The following NOM1 variants were observed in gnomAD, a reference collection of about 807,000 sequenced individuals.
NOM1 encodes the protein nucleolar protein with MIF4G domain 1, also known as nucleolar MIF4G domain-containing protein 1.
NOM1 carries 58 observed loss-of-function variants against 73.3 expected under a neutral mutation model. The ratio of observed to expected loss-of-function variants is 0.79; its 90% CI spans 0.64 to 0.99. The LOEUF (loss-of-function observed/expected upper bound fraction) is 0.99, where lower values mean the gene tolerates loss of function less well. Among genes scored for constraint, NOM1 ranks in the 50% least tolerant of loss-of-function variants. The pLI is 0.00. For synonymous variants in NOM1, 487 were observed against 446.8 expected (o/e 1.09, Z -1.14); for missense variants, 1,226 against 1,131.9 (o/e 1.08, Z -1.19).
chr7:156,952,440 A>C, intron 1 of NOM1, 34 bp from the exon 2 acceptor site: 1 of 1,595,884 alleles, frequency 6.3e-7, no homozygotes, highest in Non-Finnish European at 8.5e-7. Context: ...TGGTCAGTGT[A>C]AATTTTTTGT....
At chr7:156,954,726 C>CA (rs1435634687) in intron 3 of NOM1, among the ~76,000 whole-genome samples, 1 of 152,012 alleles carries the variant, frequency 6.6e-6, no homozygotes, top group African/African-American at 2.4e-5. Flanking sequence ...AGGCTGGTGT[C>CA]AAATTCCTGG....
At chr7:156,969,260 T>C (rs1216371377) in intron 10 of NOM1, 64 bp downstream of exon 10, 1 of 983,894 alleles carries the variant, frequency 1.0e-6, no homozygotes, top group African/African-American at 1.6e-5. Flanking sequence ...TTCACTTGTG[T>C]TGATTTACAA....
chr7:156,967,673 T>C (rs915810264), intron 9 of NOM1, among the ~76,000 whole-genome samples: 1 of 152,172 alleles, frequency 6.6e-6, no homozygotes, highest in East Asian at 1.9e-4. Context: ...TACAGGCTCA[T>C]GCCACCACGC....
rs1269681459 is a variant in NOM1, at chr7:156,969,687, C to T, written c.2567C>T (p.Ala856Val). The T allele has an allele frequency of 6.2e-7, 1 of 1,610,222 alleles. No homozygotes were observed. The highest frequency in any genetic ancestry group is 1.1e-5 in the South Asian group (1 of 90,916). Residue 856 changes from alanine to valine, a missense_variant, in exon 11 of 11, where the codon GCT becomes GTT. Ala to Val is a moderately conservative substitution (Grantham distance 64). Transcript: ENST00000275820. ...DLATKCLQGK[A>V]SLRM ...GCAACGAAGTGTCTGCAAGGAAAAG[C>T]TTCCCTGAGAATGTAGTCAGGGAAG...
intron 4 of NOM1, 89 bp from the exon 5 acceptor site, chr7:156,962,062 A>G: frequency 9.8e-7 from 1 of 1,016,282 alleles, no homozygotes; most frequent in Admixed American, 1.7e-5. Context: ...GGCCATGTGC[A>G]TCAGGTGTGG....
At position 156,950,609 on chromosome 7, in the gene NOM1, AG is replaced by A. The variant is rs1181151615; in HGVS notation, c.877del (p.Glu293LysfsTer34). 4 of 1,571,422 alleles carry A rather than the reference AG, an allele frequency of 2.5e-6. No individual in the cohort carries two copies. The highest frequency in any genetic ancestry group is 3.5e-6 in the Non-Finnish European group (4 of 1,157,618). On this transcript the variant is annotated frameshift_variant, in exon 1 of 11. Coordinates refer to ENST00000275820, the MANE Select transcript of NOM1 (RefSeq NM_138400.2). LOFTEE classifies it high-confidence loss of function. ...EDDDEDTEEEQGEEKEKGAQE... is the reference protein window; with the variant it reads ...EDDDEDTEEEXGEEKEKGAQE... The stretch of plus-strand genomic sequence containing the variant: ...GACGACGAGGATACAGAAGAGGAAC[AG>A]GGGGAAGAAAAGGAAAAGGGAGCGC...
At position 156,955,821 on chromosome 7, in the gene NOM1, A is replaced by G. The variant is rs531859093; in HGVS notation, c.1308+1523A>G. 4.6e-5 allele frequency among the ~76,000 whole-genome samples: 7 copies of G among 152,272 alleles called. No homozygotes were observed. In the East Asian group the frequency reaches 1.4e-3, roughly 29 times the overall value. On this transcript the variant is annotated intron_variant, in intron 3 of 10. Coordinates refer to ENST00000275820, the MANE Select transcript of NOM1 (RefSeq NM_138400.2). ...GTCACATTCATTTCATTTTTATATTACTTTCTCTCAATTATAATCTTAACA... is the reference window on the plus strand; with the variant it reads ...GTCACATTCATTTCATTTTTATATTGCTTTCTCTCAATTATAATCTTAACA...
rs372329923 is a variant in NOM1 at position 156,959,842 on chromosome 7, T to C, written c.1309-9T>C. On this transcript the variant is annotated splice_polypyrimidine_tract_variant and intron_variant, in intron 3 of 10. Coordinates refer to ENST00000275820, the MANE Select transcript of NOM1 (RefSeq NM_138400.2). ...ATAACATAATCTTTTTTCTGTGTGGTTCTTTCAGGTCGGTGCCCACTTTCT... is the reference window on the plus strand; with the variant it reads ...ATAACATAATCTTTTTTCTGTGTGGCTCTTTCAGGTCGGTGCCCACTTTCT... 3 of 1,612,982 alleles carry C rather than the reference T, an allele frequency of 1.9e-6. No homozygotes were observed. The highest frequency in any genetic ancestry group is 2.5e-6 in the Non-Finnish European group (3 of 1,179,350).
chr7:156,963,859 T>A, intron 6 of NOM1, 46 bp from the exon 7 acceptor site: 1 of 1,586,902 alleles, frequency 6.3e-7, no homozygotes, highest in Non-Finnish European at 8.6e-7. Context: ...GGGAGGCAGT[T>A]TGCATGGAGA....
intron 1 of NOM1, among the ~76,000 whole-genome samples, chr7:156,951,259 G>A (rs1314136440): frequency 2.0e-5 from 3 of 152,212 alleles, no homozygotes; most frequent in African/African-American, 7.2e-5. Context: ...ACAGCCGGGC[G>A]TGGTGGCAGG....
At position 156,952,535 on chromosome 7, in the gene NOM1, T is replaced by C. The variant is rs765809710; in HGVS notation, c.1049T>C (p.Val350Ala). The change falls in exon 2 of 11, where the codon GTG (valine) becomes GCG (alanine). Residue 350 changes from valine (V) to alanine (A), a missense_variant. By Grantham distance (64) the Val-to-Ala change is moderately conservative. Transcript: ENST00000275820. Reference sequence around the variant, plus strand: ...CATGTGAGGCAAGCTGAGGAGACAGTGGACTTCAAGAAAAAGGAAGAACTA... The same window carrying C: ...CATGTGAGGCAAGCTGAGGAGACAGCGGACTTCAAGAAAAAGGAAGAACTA... ...PPHVRQAEETVDFKKKEELER... is the reference protein window; with the variant it reads ...PPHVRQAEETADFKKKEELER... 77 of 1,613,814 alleles carry C rather than the reference T, an allele frequency of 4.8e-5. No individual in the cohort carries two copies. The highest frequency in any genetic ancestry group is 6.3e-5 in the Non-Finnish European group (74 of 1,179,910).
chr7:156,964,881 C>G (rs1401027614), intron 7 of NOM1, among the ~76,000 whole-genome samples: 2 of 152,208 alleles, frequency 1.3e-5, no homozygotes, highest in East Asian at 3.8e-4. Context: ...CTCTTATTCT[C>G]TAGTCAGCGG....
At chr7:156,959,764 A>C in intron 3 of NOM1, 87 bp from the exon 4 acceptor site, 2 of 1,304,480 alleles carry the variant, frequency 1.5e-6, no homozygotes, top group South Asian at 1.3e-5. Context: ...GCACTTTGTT[A>C]ATTTAGAAAG....
intron 4 of NOM1, among the ~76,000 whole-genome samples, chr7:156,961,413 A>G (rs971595245): frequency 4.6e-5 from 7 of 152,138 alleles, no homozygotes; most frequent in Admixed American, 3.9e-4. Context: ...GAATGGGAGC[A>G]GCGGGCTCAA....
At position 156,969,918 on chromosome 7, in the gene NOM1, G is replaced by C; in HGVS notation, c.*215G>C. ...TCTTGGGGGTGAGAGGAGAAGGAGGGAGGGAAAAGGGGTCAGGCACACTGG... is the reference window on the plus strand; with the variant it reads ...TCTTGGGGGTGAGAGGAGAAGGAGGCAGGGAAAAGGGGTCAGGCACACTGG... On this transcript the variant is annotated 3_prime_UTR_variant, in exon 11 of 11. Transcript: ENST00000275820. 7.1e-5 allele frequency: 28 copies of C among 396,310 alleles called. No individual in the cohort carries two copies. The highest frequency in any genetic ancestry group is 2.3e-4 in the East Asian group (5 of 21,972). The allele number at this position is 396,310 out of a possible 1,614,324, so 24.5% of individuals were successfully genotyped here. A position where few individuals can be genotyped will look rare whatever the true frequency, so the allele number is the denominator to read the frequency against.
chr7:156,955,916 C>T (rs1386259485), intron 3 of NOM1, among the ~76,000 whole-genome samples: 2 of 152,112 alleles, frequency 1.3e-5, no homozygotes, highest in Non-Finnish European at 2.9e-5. Context: ...GCCGGCCGGG[C>T]GCGGTGGCTC....
intron 9 of NOM1, among the ~76,000 whole-genome samples, chr7:156,967,444 C>T (rs1454253941): frequency 6.6e-6 from 1 of 152,166 alleles, no homozygotes; most frequent in Admixed American, 6.5e-5. Flanking sequence ...TGAGTTTGCT[C>T]ACGTTGATGT....
At chr7:156,961,170 T>G (rs1352108981) in intron 4 of NOM1, among the ~76,000 whole-genome samples, 1 of 152,066 alleles carries the variant, frequency 6.6e-6, no homozygotes, top group African/African-American at 2.4e-5. Context: ...TAAGGAGCAC[T>G]GACGTCTAGC....
At position 156,963,120 on chromosome 7, in the gene NOM1, C is replaced by T; in HGVS notation, c.1856C>T (p.Ala619Val). 1 of 1,614,130 alleles carries T rather than the reference C, an allele frequency of 6.2e-7. No individual in the cohort carries two copies. The highest frequency in any genetic ancestry group is 8.5e-7 in the Non-Finnish European group (1 of 1,180,024). Residue 619 changes from alanine (A) to valine (V), a missense_variant, in exon 6 of 11, where the codon GCC (alanine) becomes GTC (valine). Coordinates refer to ENST00000275820, the MANE Select transcript of NOM1 (RefSeq NM_138400.2). ...ATTGTGGGGTCCGCCTGGAGTGGGG[C>T]CCCGATGATCGACAACAGTCACCAT... ...WWIVGSAWSGAPMIDNSHHTH... is the reference protein window; with the variant it reads ...WWIVGSAWSGVPMIDNSHHTH...
Sources: allele counts gnomAD v4.1 joint callset (sites outside exome capture counted in the v4.1 genomes callset), GRCh38; gene constraint gnomAD v4.1.1; transcripts MANE v1.5; gene names NCBI Gene and HGNC (gene_info 2026-07-23, HGNC 2026-07-21).